Variants in JMJD1C observed in about 807,000 individuals in gnomAD.
JMJD1C encodes jumonji domain-containing protein 1C.
JMJD1C carries 31 observed loss-of-function variants against 245.3 expected under a neutral mutation model. That is an observed-to-expected ratio of 0.13 (90% CI 0.09 to 0.17). JMJD1C has a LOEUF of 0.17. JMJD1C is among the 10% of genes least tolerant of loss of function. JMJD1C has a pLI of 1.00. For missense variants in JMJD1C, 2,691 were observed against 3,000.2 expected (o/e 0.90, Z 2.41); for synonymous variants, 1,057 against 1,017.4 (o/e 1.04, Z -0.74).
intron 2 of JMJD1C, among the ~76,000 whole-genome samples, chr10:63,354,948 AG>A (rs1221223810): frequency 6.6e-6 from 1 of 151,760 alleles, no homozygotes; most frequent in African/African-American, 2.4e-5. Flanking sequence ...ACTGAAGCCT[AG>A]GGAGTGGAAG....
chr10:63,207,388 A>G lies in JMJD1C; in HGVS notation c.4281T>C (p.Ser1427=). 6.2e-7 allele frequency: 1 copy of G among 1,614,112 alleles called. No homozygotes were observed. Among genetic ancestry groups the G allele is most frequent in the Non-Finnish European group, 8.5e-7 (1 of 1,180,032 alleles). Residue 1427 remains serine (S), a synonymous_variant, in exon 10 of 26, where the codon TCT becomes TCC. Coordinates refer to ENST00000399262, the MANE Select transcript of JMJD1C (RefSeq NM_032776.3). ...ISSLSNTILA[S]TSSECVSSKS... ...TTGAAGATACACATTCTGATGATGT[A>G]GAGGCCAAAATGGTATTTGATAAAG... is the stretch of plus-strand genomic sequence containing the variant.
chr10:63,442,934 T>G (rs1193943067), intron 1 of JMJD1C, among the ~76,000 whole-genome samples: 3 of 152,164 alleles, frequency 2.0e-5, no homozygotes, highest in African/African-American at 7.2e-5. Flanking sequence ...GCCCTACAAT[T>G]CAATTCTGAC....
chr10:63,498,009 A>T (rs1284316802), intron 1 of JMJD1C, among the ~76,000 whole-genome samples: 1 of 152,204 alleles, frequency 6.6e-6, no homozygotes, highest in Non-Finnish European at 1.5e-5. Flanking sequence ...TTGTGCAGTG[A>T]AGTTATACTT....
chr10:63,263,597 A>G (rs1589324233), intron 3 of JMJD1C, among the ~76,000 whole-genome samples: 2 of 152,176 alleles, frequency 1.3e-5, no homozygotes, highest in South Asian at 4.1e-4. Flanking sequence ...GAGTAAAAAG[A>G]AATCTATAAT....
At chr10:63,443,761 T>A (rs1821031150) in intron 1 of JMJD1C, among the ~76,000 whole-genome samples, 1 of 152,200 alleles carries the variant, frequency 6.6e-6, no homozygotes, top group African/African-American at 2.4e-5. Flanking sequence ...CAAGCTTCTA[T>A]TCAAGGTCTG....
At chr10:63,407,017 A>G (rs556470486) in intron 1 of JMJD1C, among the ~76,000 whole-genome samples, 5 of 152,278 alleles carry the variant, frequency 3.3e-5, no homozygotes, top group African/African-American at 1.2e-4. Context: ...AAAGAAGCTT[A>G]ATCTAAAGCC....
At chr10:63,289,018 T>C (rs1051041561) in intron 2 of JMJD1C, among the ~76,000 whole-genome samples, 15 of 151,912 alleles carry the variant, frequency 9.9e-5, no homozygotes, top group Admixed American at 3.3e-4. Context: ...TTCTCATTCT[T>C]TTAATATCCT....
intron 3 of JMJD1C, among the ~76,000 whole-genome samples, chr10:63,224,045 C>A (rs1200806630): frequency 6.6e-6 from 1 of 152,094 alleles, no homozygotes; most frequent in Non-Finnish European, 1.5e-5. Context: ...CCGAGCCCAG[C>A]CTTATAAATA....
chr10:63,379,896 G>A (rs183131439), intron 2 of JMJD1C, among the ~76,000 whole-genome samples: 81 of 151,946 alleles, frequency 5.3e-4, no homozygotes, highest in African/African-American at 1.9e-3. Context: ...TCAGTAAGAT[G>A]AATCTAAACT....
At position 63,208,508 on chromosome 10, in the gene JMJD1C, G is replaced by A; in HGVS notation, c.3161C>T (p.Ser1054Leu). The change falls in exon 10 of 26, where the codon TCA becomes TTA. Residue 1054 changes from serine (S) to leucine (L), a missense_variant. Transcript: ENST00000399262. ...GERENYSRVASSSSSPKSHII... is the reference protein window; with the variant it reads ...GERENYSRVALSSSSPKSHII... ...ATGGCTTTTAGGACTGGAAGATGAT[G>A]ATGCCACTCTGGAATAATTCTCTCT... is the stretch of plus-strand genomic sequence containing the variant. The A allele has an allele frequency of 1.2e-6, 2 of 1,614,054 alleles. No homozygotes were observed. Among genetic ancestry groups the A allele is most frequent in the Non-Finnish European group, 1.7e-6 (2 of 1,179,968 alleles).
intron 2 of JMJD1C, among the ~76,000 whole-genome samples, chr10:63,308,460 G>A (rs2134030414): frequency 1.3e-5 from 2 of 152,018 alleles, no homozygotes; most frequent in East Asian, 3.9e-4. Flanking sequence ...TAAATTTAAA[G>A]GGTCCACGAA....
intron 2 of JMJD1C, among the ~76,000 whole-genome samples, chr10:63,323,971 C>A (rs1941223355): frequency 6.6e-6 from 1 of 151,320 alleles, no homozygotes; most frequent in African/African-American, 2.4e-5. Flanking sequence ...GAACCAGGAG[C>A]ACCCACATCT....
chr10:63,381,325 G>A (rs759500919), intron 1 of JMJD1C, among the ~76,000 whole-genome samples: 9 of 151,996 alleles, frequency 5.9e-5, no homozygotes, highest in Admixed American at 3.9e-4. Flanking sequence ...TGGCAACATA[G>A]TGAGACTCTG....
At chr10:63,400,751 G>A (rs1290341319) in intron 1 of JMJD1C, among the ~76,000 whole-genome samples, 4 of 151,866 alleles carry the variant, frequency 2.6e-5, no homozygotes, top group South Asian at 2.1e-4. Context: ...TAGTAGAGAC[G>A]GGGTTTCACT....
rs151300105 is a variant in JMJD1C, at chr10:63,507,088, G to C, written n.113+14650C>G. Among the ~76,000 whole-genome samples, 57 of 152,140 alleles carry C rather than the reference G, an allele frequency of 3.7e-4. No individual in the cohort carries two copies. In the East Asian group the frequency reaches 8.1e-3, roughly 22 times the overall value. ...TCAGGTTCCTCCATGTCTCTTCAAG[G>C]CCTGATAGCTCATTTTTTTCTAGTG... On this transcript the variant is annotated intron_variant and non_coding_transcript_variant, in intron 1 of 3. Coordinates refer to the JMJD1C transcript ENST00000633035.
In JMJD1C at chr10:63,291,265, G is replaced by A. The variant is rs534038109; in HGVS notation, c.334-26501C>T. On this transcript the variant is annotated intron_variant, in intron 2 of 25. Transcript: ENST00000399262. ...AGAGGTTGCAGTGAGCTGAGATAGCGCCATTGCACTCCAGCCTGGGAAAAA... is the reference window on the plus strand; with the variant it reads ...AGAGGTTGCAGTGAGCTGAGATAGCACCATTGCACTCCAGCCTGGGAAAAA... Among the ~76,000 whole-genome samples the A allele has an allele frequency of 1.6e-3, 209 of 127,854 alleles. 1 individual carries two copies. The highest frequency in any genetic ancestry group is 2.4e-3 in the Non-Finnish European group (157 of 64,212). 83.9% of individuals were successfully genotyped at this position (127,854 alleles called of 152,430 possible).
chr10:63,403,780 A>G (rs1376064274), intron 1 of JMJD1C, among the ~76,000 whole-genome samples: 1 of 152,160 alleles, frequency 6.6e-6, no homozygotes, highest in African/African-American at 2.4e-5. Context: ...CTACTAAAAA[A>G]TACAAAAAGG....
At chr10:63,191,447 A>G (rs1182520133) in intron 16 of JMJD1C, among the ~76,000 whole-genome samples, 3 of 152,086 alleles carry the variant, frequency 2.0e-5, no homozygotes, top group Admixed American at 6.5e-5. Context: ...ACAAATTTTA[A>G]TTCTATTAAG....
At chr10:63,232,560 G>C (rs1564651426) in intron 3 of JMJD1C, among the ~76,000 whole-genome samples, 1 of 152,012 alleles carries the variant, frequency 6.6e-6, no homozygotes. Flanking sequence ...AATCTACCTA[G>C]AAGTTTGCTG....
Sources: allele counts gnomAD v4.1 joint callset (sites outside exome capture counted in the v4.1 genomes callset), GRCh38; gene constraint gnomAD v4.1.1; transcripts MANE v1.5; gene names NCBI Gene and HGNC (gene_info 2026-07-23, HGNC 2026-07-21).